Variants in SLC16A9 observed in about 807,000 individuals in gnomAD.
SLC16A9 encodes the protein solute carrier family 16 member 9.
Under a neutral mutation model 44.3 loss-of-function variants are expected in SLC16A9, and 26 were observed. The observed-to-expected ratio is 0.59, with a 90% confidence interval of 0.43 to 0.81. The LOEUF (loss-of-function observed/expected upper bound fraction) is 0.81. Among genes scored for constraint, SLC16A9 ranks in the 40% least tolerant of loss-of-function variants. SLC16A9 has a pLI of 0.00. For synonymous variants in SLC16A9, 230 were observed against 225.1 expected, an observed-to-expected ratio of 1.02 and a Z score of -0.19; for missense variants, 559 against 595.8, an observed-to-expected ratio of 0.94 and a Z score of 0.64.
chr10:59,673,639 A>T (rs1434163647), intron 2 of SLC16A9, among the ~76,000 whole-genome samples: 1 of 152,228 alleles, frequency 6.6e-6, no homozygotes, highest in Non-Finnish European at 1.5e-5. Flanking sequence ...CAATTTTCAA[A>T]AACCACACCT....
At chr10:59,693,863 T>C (rs1840307921) in intron 1 of SLC16A9, among the ~76,000 whole-genome samples, 1 of 151,920 alleles carries the variant, frequency 6.6e-6, no homozygotes, top group Non-Finnish European at 1.5e-5. Context: ...GTGATCCGCC[T>C]GCCTCTGCCT....
At chr10:59,681,030 C>T (rs192969860) in intron 2 of SLC16A9, among the ~76,000 whole-genome samples, 15 of 150,524 alleles carry the variant, frequency 1.0e-4, no homozygotes, top group African/African-American at 3.7e-4. Flanking sequence ...TAGGCCCCAT[C>T]ATGGACCAAA....
intron 1 of SLC16A9, among the ~76,000 whole-genome samples, chr10:59,703,713 A>G (rs1365118479): frequency 7.0e-6 from 1 of 142,474 alleles, no homozygotes; most frequent in Non-Finnish European, 1.5e-5. Context: ...TGAATTGCTG[A>G]TTTTTTTTTT....
intron 1 of SLC16A9, among the ~76,000 whole-genome samples, chr10:59,694,149 C>T (rs2132521503): frequency 1.3e-5 from 2 of 151,970 alleles, no homozygotes; most frequent in East Asian, 3.9e-4. Flanking sequence ...CCGTGTAAAT[C>T]AGGATGGTCT....
At chr10:59,697,743 TAAAA>T (rs1175497551) in intron 1 of SLC16A9, among the ~76,000 whole-genome samples, 1 of 142,386 alleles carries the variant, frequency 7.0e-6, no homozygotes, top group African/African-American at 2.8e-5. Flanking sequence ...AAAAATAAAA[TAAAA>T]AATAAATAAA....
rs991386152 is a variant in SLC16A9, at chr10:59,652,939, C to T, written c.1363G>A (p.Asp455Asn). 6.2e-7 allele frequency: 1 copy of T among 1,600,922 alleles called. No individual in the cohort carries two copies. The highest frequency in any genetic ancestry group is 1.8e-5 in the Admixed American group (1 of 56,430). Residue 455 changes from aspartate to asparagine, a missense_variant, in exon 6 of 6, where the codon GAC becomes AAC. By Grantham distance (23) the Asp-to-Asn change is conservative. Coordinates refer to ENST00000395348, the MANE Select transcript of SLC16A9 (RefSeq NM_194298.3). Reference sequence around the variant, plus strand: ...GCAATATCATAGGTCTGGGTCCAGTCATAAAACCAACCTGAAAAGGCAGTA... The same window carrying T: ...GCAATATCATAGGTCTGGGTCCAGTTATAAAACCAACCTGAAAAGGCAGTA... ...LGPPIVGWFY[D>N]WTQTYDIAFY...
intron 4 of SLC16A9, among the ~76,000 whole-genome samples, chr10:59,655,602 T>A (rs11006659): frequency 3.9e-5 from 6 of 152,046 alleles, no homozygotes; most frequent in Non-Finnish European, 7.4e-5. Context: ...TATGTAACAC[T>A]GTGAATAATT....
intron 5 of SLC16A9, 48 bp downstream of exon 5, chr10:59,653,626 TG>T (rs1564693362): frequency 6.7e-7 from 1 of 1,503,082 alleles, no homozygotes; most frequent in Non-Finnish European, 9.0e-7. Context: ...TCTGGAGATA[TG>T]ACAAGGAAGA....
intron 2 of SLC16A9, among the ~76,000 whole-genome samples, chr10:59,677,648 T>C (rs1263942146): frequency 6.6e-6 from 1 of 152,018 alleles, no homozygotes; most frequent in South Asian, 2.1e-4. Context: ...GGGGATTTCA[T>C]AAGAGGAAGA....
chr10:59,674,793 A>G (rs1839824620), intron 2 of SLC16A9, among the ~76,000 whole-genome samples: 1 of 152,190 alleles, frequency 6.6e-6, no homozygotes. Flanking sequence ...TTCATCCTCA[A>G]AATAGGACTT....
chr10:59,670,877 G>A (rs923919137), intron 3 of SLC16A9, among the ~76,000 whole-genome samples: 5 of 152,120 alleles, frequency 3.3e-5, no homozygotes, highest in African/African-American at 1.2e-4. Flanking sequence ...AAATAAAACT[G>A]TGAAGAAATC....
At chr10:59,667,150 C>CTG (rs1839638350) in intron 3 of SLC16A9, among the ~76,000 whole-genome samples, 1 of 152,142 alleles carries the variant, frequency 6.6e-6, no homozygotes, top group Non-Finnish European at 1.5e-5. Context: ...TTTACTATAA[C>CTG]AGAGTATGAA....
chr10:59,653,613 A>G (rs1371905560), intron 5 of SLC16A9, 62 bp downstream of exon 5: 10 of 1,399,340 alleles, frequency 7.1e-6, no homozygotes, highest in Non-Finnish European at 9.8e-6. Flanking sequence ...CTGGACCTCT[A>G]TATCTGGAGA....
intron 1 of SLC16A9, among the ~76,000 whole-genome samples, chr10:59,696,402 A>T (rs1644724756): frequency 6.6e-6 from 1 of 152,218 alleles, no homozygotes; most frequent in African/African-American, 2.4e-5. Flanking sequence ...GCGTTCACTC[A>T]GTGCTCAATG....
In SLC16A9 at chr10:59,672,359, GCAAACAGCTGTTTGTGAACA is replaced by G. The variant is rs575244629; in HGVS notation, c.340+391_340+410del. Among the ~76,000 whole-genome samples the G allele has an allele frequency of 5.9e-5, 9 of 152,288 alleles. No individual in the cohort carries two copies. In the East Asian group the frequency reaches 1.7e-3, roughly 29 times the overall value. On this transcript the variant is annotated intron_variant, in intron 3 of 5. Transcript: ENST00000395348. Reference sequence around the variant, plus strand: ...TTCACAGCAACAGATGCTATGGAATGCAAACAGCTGTTTGTGAACACAAACAGCTTCAAAGAATCATGCTT... The same window carrying G: ...TTCACAGCAACAGATGCTATGGAATGCAAACAGCTTCAAAGAATCATGCTT...
intron 3 of SLC16A9, among the ~76,000 whole-genome samples, chr10:59,666,839 T>C (rs1839628881): frequency 6.7e-6 from 1 of 149,664 alleles, no homozygotes; most frequent in African/African-American, 2.5e-5. Context: ...CTGACAGTAA[T>C]TGTTACCAAT....
chr10:59,670,207 A>G (rs933538599), intron 3 of SLC16A9, among the ~76,000 whole-genome samples: 2 of 152,248 alleles, frequency 1.3e-5, no homozygotes, highest in African/African-American at 2.4e-5. Context: ...TGTATTAAAC[A>G]TCTCTGTATG....
At chr10:59,691,675 G>A (rs1182706169) in intron 1 of SLC16A9, among the ~76,000 whole-genome samples, 3 of 152,006 alleles carry the variant, frequency 2.0e-5, no homozygotes, top group East Asian at 3.9e-4. Context: ...CCCTTCCTTC[G>A]GGAAACGAAA....
At chr10:59,708,894 T>C (rs1840702090) in intron 1 of SLC16A9, 1 of 152,454 alleles carries the variant, frequency 6.6e-6, no homozygotes, top group South Asian at 2.1e-4. Context: ...AAGGCTGGGC[T>C]CCCGCGCTCG....
Sources: allele counts gnomAD v4.1 joint callset (sites outside exome capture counted in the v4.1 genomes callset), GRCh38; gene constraint gnomAD v4.1.1; transcripts MANE v1.5; gene names NCBI Gene and HGNC (gene_info 2026-07-23, HGNC 2026-07-21).